Variants in FBXW7 observed in about 807,000 individuals in gnomAD.
The protein encoded by FBXW7 is F-box/WD repeat-containing protein 7.
Under a neutral mutation model 86.3 loss-of-function variants are expected in FBXW7, and 11 were observed. The observed-to-expected ratio is 0.13, with a 90% CI of 0.08 to 0.21. The LOEUF (loss-of-function observed/expected upper bound fraction) is 0.21. FBXW7 is among the 10% of genes least tolerant of loss of function. FBXW7 has a pLI of 1.00. For missense variants in FBXW7, 488 were observed against 847.4 expected (o/e 0.58, Z 5.27); for synonymous variants, 313 against 297.9 (o/e 1.05, Z -0.52).
chr4:152,522,486 A>G (rs1749115157), intron 2 of FBXW7, among the ~76,000 whole-genome samples: 1 of 152,200 alleles, frequency 6.6e-6, no homozygotes, highest in South Asian at 2.1e-4. Context: ...TCTAACTGGC[A>G]AAGTACCTTA....
intron 4 of FBXW7, among the ~76,000 whole-genome samples, chr4:152,401,997 T>C (rs968233421): frequency 6.6e-5 from 10 of 152,182 alleles, no homozygotes. Context: ...AGAAAAAAGA[T>C]ACATATGAAA....
chr4:152,499,565 T>A (rs1028858435), intron 2 of FBXW7, among the ~76,000 whole-genome samples: 4 of 151,982 alleles, frequency 2.6e-5, no homozygotes, highest in Non-Finnish European at 4.4e-5. Flanking sequence ...CAGAGACTTA[T>A]CAGTTATTGC....
At position 152,480,727 on chromosome 4, in the gene FBXW7, G is replaced by A. The variant is rs570102845; in HGVS notation, c.-120+54214C>T. ...AATATGGACAAAGGTTTGGTGTTCT[G>A]CACAGAAGATCAAACCAGCCACAAT... On this transcript the variant is annotated intron_variant, in intron 2 of 13. Coordinates refer to ENST00000281708, the MANE Select transcript of FBXW7 (RefSeq NM_001349798.2). Among the ~76,000 whole-genome samples the A allele has an allele frequency of 5.3e-5, 8 of 152,294 alleles. No homozygotes were observed. The East Asian group carries it at 1.5e-3, about 29-fold the overall frequency.
At chr4:152,335,580 T>C (rs1240092837) in intron 7 of FBXW7, among the ~76,000 whole-genome samples, 1 of 152,222 alleles carries the variant, frequency 6.6e-6, no homozygotes, top group Non-Finnish European at 1.5e-5. Context: ...TAGTATTTCT[T>C]CCTAAAGATC....
At chr4:152,454,098 TTAAG>T (rs1467514649) in intron 2 of FBXW7, among the ~76,000 whole-genome samples, 2 of 152,148 alleles carry the variant, frequency 1.3e-5, no homozygotes, top group Non-Finnish European at 2.9e-5. Context: ...TTCCACGATA[TTAAG>T]TAATACCAGT....
chr4:152,347,682 G>A (rs945531787), intron 5 of FBXW7, among the ~76,000 whole-genome samples: 3 of 151,988 alleles, frequency 2.0e-5, no homozygotes, highest in East Asian at 1.9e-4. Context: ...AAACAGGTAA[G>A]TATTAAGAAC....
intron 2 of FBXW7, among the ~76,000 whole-genome samples, chr4:152,449,267 C>A (rs529360097): frequency 4.9e-4 from 75 of 152,288 alleles, no homozygotes; most frequent in African/African-American, 1.7e-3. Context: ...TGTTTTCAAT[C>A]TTATTATTCA....
chr4:152,502,327 T>C (rs1747032590), intron 2 of FBXW7, among the ~76,000 whole-genome samples: 1 of 152,196 alleles, frequency 6.6e-6, no homozygotes, highest in Non-Finnish European at 1.5e-5. Flanking sequence ...CTGTACTGCA[T>C]ATTATACTCC....
At chr4:152,532,831 T>A (rs1158503335) in intron 2 of FBXW7, among the ~76,000 whole-genome samples, 1 of 152,174 alleles carries the variant, frequency 6.6e-6, no homozygotes, top group Non-Finnish European at 1.5e-5. Flanking sequence ...AGTAAAAGCA[T>A]CTCAAAGGCA....
intron 13 of FBXW7, chr4:152,323,945 G>A: frequency 4.4e-6 from 2 of 454,104 alleles, no homozygotes; most frequent in South Asian, 5.5e-5. Context: ...AGGTTAAGTA[G>A]AGTCAATTGA....
intron 2 of FBXW7, among the ~76,000 whole-genome samples, chr4:152,520,365 G>A (rs904225306): frequency 7.3e-5 from 11 of 151,166 alleles, no homozygotes; most frequent in Admixed American, 3.3e-4. Context: ...CCCGGGAAGC[G>A]GAGCTTGCAG....
At chr4:152,488,781 C>T (rs1431409644) in intron 2 of FBXW7, among the ~76,000 whole-genome samples, 2 of 151,978 alleles carry the variant, frequency 1.3e-5, no homozygotes, top group Non-Finnish European at 2.9e-5. Flanking sequence ...TATTAAACAA[C>T]TAAAGGAACT....
At chr4:152,418,336 TTTTC>T (rs1738638166) in intron 2 of FBXW7, among the ~76,000 whole-genome samples, 1 of 152,278 alleles carries the variant, frequency 6.6e-6, no homozygotes, top group South Asian at 2.1e-4. Flanking sequence ...AATGGTTGGG[TTTTC>T]TTTATTTCAA....
chr4:152,373,168 A>G (rs1238104328), intron 4 of FBXW7, among the ~76,000 whole-genome samples: 1 of 152,048 alleles, frequency 6.6e-6, no homozygotes, highest in Non-Finnish European at 1.5e-5. Flanking sequence ...TCCTAGCTAC[A>G]TTACTTACTA....
chr4:152,327,472 A>C (rs185610687), intron 11 of FBXW7, among the ~76,000 whole-genome samples: 1 of 152,164 alleles, frequency 6.6e-6, no homozygotes, highest in Non-Finnish European at 1.5e-5. Context: ...GGGTATGATG[A>C]CGATAATAGA....
intron 2 of FBXW7, among the ~76,000 whole-genome samples, chr4:152,506,213 G>GCT (rs1443672806): frequency 3.3e-5 from 5 of 151,320 alleles, no homozygotes; most frequent in Admixed American, 2.6e-4. Context: ...CTCACTGCAA[G>GCT]CTCTGCCTCC....
At chr4:152,392,979 C>A (rs1379342339) in intron 4 of FBXW7, among the ~76,000 whole-genome samples, 1 of 152,124 alleles carries the variant, frequency 6.6e-6, no homozygotes, top group Admixed American at 6.6e-5. Flanking sequence ...ATCAAACTCA[C>A]TTTTGGATTT....
chr4:152,371,255 GC>G (rs756916334), intron 4 of FBXW7, among the ~76,000 whole-genome samples: 112 of 151,898 alleles, frequency 7.4e-4, no homozygotes, highest in South Asian at 4.1e-3. Context: ...TGAGATACAT[GC>G]TAGTTTCTGC....
At chr4:152,382,114 G>T in intron 4 of FBXW7, 1 of 1,017,062 alleles carries the variant, frequency 9.8e-7, no homozygotes, top group Non-Finnish European at 1.4e-6. Context: ...GAAATTTGAG[G>T]CATCTTTTCA....
Sources: allele counts gnomAD v4.1 joint callset (sites outside exome capture counted in the v4.1 genomes callset), GRCh38; gene constraint gnomAD v4.1.1; transcripts MANE v1.5; gene names NCBI Gene and HGNC (gene_info 2026-07-23, HGNC 2026-07-21).